The following MED13L variants were observed in gnomAD, a reference collection of about 807,000 sequenced individuals.
MED13L encodes mediator complex subunit 13L.
Under a neutral mutation model 220.9 loss-of-function variants are expected in MED13L, and 7 were observed. That is an observed-to-expected ratio of 0.03 (90% confidence interval 0.02 to 0.06). The LOEUF (loss-of-function observed/expected upper bound fraction) is 0.06, where lower values mean the gene tolerates loss of function less well. MED13L is among the 10% of genes least tolerant of loss of function. The pLI is 1.00. For missense variants in MED13L, 1,965 were observed against 2,760.5 expected (o/e 0.71, Z 6.46); for synonymous variants, 1,011 against 1,015.2 (o/e 1.00, Z 0.08).
chr12:116,274,119 T>C (rs1216845046), intron 1 of MED13L, among the ~76,000 whole-genome samples: 1 of 152,166 alleles, frequency 6.6e-6, no homozygotes, highest in Non-Finnish European at 1.5e-5. Flanking sequence ...CAATGACCCA[T>C]ATCATATATA....
intron 2 of MED13L, among the ~76,000 whole-genome samples, chr12:116,140,999 G>A (rs141101320): frequency 7.9e-5 from 12 of 152,248 alleles, no homozygotes; most frequent in African/African-American, 2.6e-4. Flanking sequence ...TTGTTTAAAT[G>A]TGTGGATTTT....
In MED13L at chr12:116,086,509, C is replaced by T. The variant is rs186411322; in HGVS notation, c.479+10160G>A. 2.6e-5 allele frequency among the ~76,000 whole-genome samples: 4 copies of T among 152,006 alleles called. No homozygotes were observed. In the East Asian group the frequency reaches 7.8e-4, roughly 29 times the overall value. ...GTTGGTCAGGCTGGTCTCAAACTCC[C>T]GACCTCAAGTGATCTGCCTGTCTCG... On this transcript the variant is annotated intron_variant, in intron 4 of 30. Transcript: ENST00000281928.
chr12:116,094,016 T>C (rs1872464581), intron 4 of MED13L, among the ~76,000 whole-genome samples: 1 of 152,156 alleles, frequency 6.6e-6, no homozygotes, highest in Non-Finnish European at 1.5e-5. Context: ...ATAAACTTTG[T>C]CCAAAATCTA....
intron 2 of MED13L, among the ~76,000 whole-genome samples, chr12:116,148,076 A>AGGGG (rs1555216256): frequency 2.0e-5 from 1 of 50,556 alleles, no homozygotes; most frequent in Non-Finnish European, 3.7e-5. Context: ...AAAAAAAAAG[A>AGGGG]GGGGGGCGGG....
At chr12:116,139,767 C>T (rs879860021) in intron 2 of MED13L, among the ~76,000 whole-genome samples, 3 of 151,942 alleles carry the variant, frequency 2.0e-5, no homozygotes, top group Non-Finnish European at 4.4e-5. Context: ...GTCAGGAGTT[C>T]GAAGCCAGCC....
intron 4 of MED13L, among the ~76,000 whole-genome samples, chr12:116,074,723 GAC>G (rs1870644640): frequency 6.6e-6 from 1 of 152,116 alleles, no homozygotes; most frequent in Non-Finnish European, 1.5e-5. Flanking sequence ...AAATTGATTG[GAC>G]ACACCTGACT....
At chr12:115,971,959 T>C in intron 26 of MED13L, 119 bp downstream of exon 26, 2 of 1,203,042 alleles carry the variant, frequency 1.7e-6, no homozygotes, top group East Asian at 2.5e-5. Context: ...AAGCCCCAAA[T>C]ACAATCTTCC....
intron 2 of MED13L, among the ~76,000 whole-genome samples, chr12:116,151,069 T>C (rs1877999732): frequency 6.6e-6 from 1 of 151,522 alleles, no homozygotes; most frequent in African/African-American, 2.4e-5. Context: ...TGTTAAAAAA[T>C]GGGAAAACTT....
At chr12:116,116,392 C>G (rs1045903987) in intron 2 of MED13L, among the ~76,000 whole-genome samples, 1 of 152,142 alleles carries the variant, frequency 6.6e-6, no homozygotes, top group Admixed American at 6.5e-5. Context: ...TTCAAAATAA[C>G]TGGACACATG....
At chr12:116,205,568 A>C in intron 2 of MED13L, among the ~76,000 whole-genome samples, 1 of 151,692 alleles carries the variant, frequency 6.6e-6, no homozygotes, top group East Asian at 1.9e-4. Context: ...TTTTAAAAAG[A>C]AGAGCTAAGT....
At chr12:116,226,115 T>C (rs1049616673) in intron 2 of MED13L, among the ~76,000 whole-genome samples, 1 of 151,180 alleles carries the variant, frequency 6.6e-6, no homozygotes, top group Non-Finnish European at 1.5e-5. Flanking sequence ...AACTGTTTAC[T>C]GCAGGGTATT....
chr12:116,166,136 G>C (rs1294400490), intron 2 of MED13L, among the ~76,000 whole-genome samples: 2 of 152,198 alleles, frequency 1.3e-5, no homozygotes, highest in Non-Finnish European at 2.9e-5. Context: ...AGCTGAGGCA[G>C]GAGAATCACT....
intron 4 of MED13L, among the ~76,000 whole-genome samples, chr12:116,093,902 CAACTA>C (rs1324243571): frequency 6.6e-6 from 1 of 152,092 alleles, no homozygotes; most frequent in Non-Finnish European, 1.5e-5. Flanking sequence ...TTCTCTCTCT[CAACTA>C]AATTATAAAC....
chr12:116,157,030 G>GGAT (rs1314781061), intron 2 of MED13L, among the ~76,000 whole-genome samples: 1 of 152,226 alleles, frequency 6.6e-6, no homozygotes, highest in East Asian at 1.9e-4. Context: ...GAGAGAAACT[G>GGAT]GTATCCACTG....
At position 116,114,628 on chromosome 12, in the gene MED13L, T is replaced by A. The variant is rs77620694; in HGVS notation, c.311-3116A>T. On this transcript the variant is annotated intron_variant, in intron 2 of 30. Coordinates refer to ENST00000281928, the MANE Select transcript of MED13L (RefSeq NM_015335.5). ...ACTCCTATTCCACATTATACCTGAA[T>A]TTCATCCAATACAATAGGGCAAGAA... 7.8e-3 allele frequency among the ~76,000 whole-genome samples: 1,189 copies of A among 152,268 alleles called. 24 individuals are homozygous for A. The highest frequency in any genetic ancestry group is 0.026 in the African/African-American group (1,099 of 41,544).
At chr12:116,102,957 C>T (rs1385053556) in intron 3 of MED13L, among the ~76,000 whole-genome samples, 1 of 151,816 alleles carries the variant, frequency 6.6e-6, no homozygotes, top group East Asian at 2.0e-4. Flanking sequence ...ATCTTGTGAT[C>T]CGCCTGTCTC....
intron 15 of MED13L, 115 bp from the exon 16 acceptor site, chr12:115,996,796 C>T: frequency 9.2e-7 from 1 of 1,085,444 alleles, no homozygotes; most frequent in South Asian, 1.3e-5. Flanking sequence ...CAGTATTTCT[C>T]TCCTATGATC....
At chr12:116,182,200 T>C (rs7960306) in intron 2 of MED13L, among the ~76,000 whole-genome samples, 13,802 of 152,224 alleles carry the variant, frequency 0.091, 725 homozygotes, top group East Asian at 0.22. Context: ...ACCTGTGCTG[T>C]TGAATATGGT....
intron 4 of MED13L, among the ~76,000 whole-genome samples, chr12:116,078,131 G>A: frequency 8.0e-6 from 1 of 125,616 alleles, no homozygotes; most frequent in African/African-American, 3.1e-5. Flanking sequence ...GACAGAGTAA[G>A]ACTCTGTCTC....
Sources: allele counts gnomAD v4.1 joint callset (sites outside exome capture counted in the v4.1 genomes callset), GRCh38; gene constraint gnomAD v4.1.1; transcripts MANE v1.5; gene names NCBI Gene and HGNC (gene_info 2026-07-23, HGNC 2026-07-21).